Variants in PCSK5 observed in about 807,000 individuals in gnomAD.
The protein encoded by PCSK5 is proprotein convertase subtilisin/kexin type 5.
In PCSK5, 129 loss-of-function variants were observed where a neutral mutation model predicts 233.2. The observed-to-expected ratio is 0.55, with a 90% CI of 0.48 to 0.64. The LOEUF (loss-of-function observed/expected upper bound fraction) is 0.64. Ranked by LOEUF, PCSK5 falls within the 30% of genes least tolerant of loss-of-function variation. PCSK5 has a pLI of 0.00. For missense variants in PCSK5, 2,076 were observed against 2,430.1 expected (o/e 0.85, Z 3.06); for synonymous variants, 825 against 879.2 (o/e 0.94, Z 1.09).
chr9:75,911,201 G>GTTTTTTTTTTTTTTTTTTTTTTT (rs71370772), intron 1 of PCSK5, among the ~76,000 whole-genome samples: 4 of 48,758 alleles, frequency 8.2e-5, no homozygotes, highest in Non-Finnish European at 1.4e-4. Context: ...GAACATATAG[G>GTTTTTTTTTTTTTTTTTTTTTTT]TTTTTTTTTT....
chr9:75,908,902 T>TCTATCTAA (rs1822546059), intron 1 of PCSK5, among the ~76,000 whole-genome samples: 1 of 130,226 alleles, frequency 7.7e-6, no homozygotes, highest in Admixed American at 8.6e-5. Flanking sequence ...TATCTATCTA[T>TCTATCTAA]CTATCTATCT....
intron 12 of PCSK5, among the ~76,000 whole-genome samples, chr9:76,165,433 C>G (rs11144770): frequency 0.088 from 13,363 of 152,188 alleles, 856 homozygotes; most frequent in East Asian, 0.26. Flanking sequence ...GATACATTCA[C>G]TAGACTCTTT....
In PCSK5 at chr9:76,321,657, A is replaced by T. The variant is rs766985309; in HGVS notation, c.4102+18A>T. ...ATGCAAAGGTACCTAGGAGCTTCCC[A>T]CAGGAGAGCAAGGCTCTGCTGAGCC... On this transcript the variant is annotated intron_variant, in intron 31 of 37. Coordinates refer to ENST00000674117, the MANE Select transcript of PCSK5 (RefSeq NM_001372043.1). The T allele has an allele frequency of 6.4e-7, 1 of 1,553,824 alleles. No homozygotes were observed. The highest frequency in any genetic ancestry group is 8.9e-7 in the Non-Finnish European group (1 of 1,129,806).
At chr9:75,963,588 A>G (rs1238877763) in intron 2 of PCSK5, among the ~76,000 whole-genome samples, 1 of 152,248 alleles carries the variant, frequency 6.6e-6, no homozygotes, top group East Asian at 1.9e-4. Flanking sequence ...TGGTTAAAAA[A>G]TAATTCAGCT....
chr9:75,966,256 A>T (rs77803888), intron 2 of PCSK5, among the ~76,000 whole-genome samples: 1 of 152,232 alleles, frequency 6.6e-6, no homozygotes, highest in Non-Finnish European at 1.5e-5. Context: ...TCAGAAGTCA[A>T]TCTTGACAGA....
chr9:76,129,644 C>T (rs1822675557), intron 9 of PCSK5, among the ~76,000 whole-genome samples: 1 of 152,086 alleles, frequency 6.6e-6, no homozygotes, highest in Non-Finnish European at 1.5e-5. Flanking sequence ...TAAAGACCAC[C>T]AGACACAGAT....
intron 1 of PCSK5, among the ~76,000 whole-genome samples, chr9:75,898,901 G>A (rs1825914333): frequency 6.6e-6 from 1 of 152,194 alleles, no homozygotes; most frequent in African/African-American, 2.4e-5. Flanking sequence ...TTATCATTTA[G>A]TAAGACAAAT....
intron 2 of PCSK5, among the ~76,000 whole-genome samples, chr9:75,948,767 A>G (rs1472730534): frequency 6.6e-6 from 1 of 151,652 alleles, no homozygotes; most frequent in Non-Finnish European, 1.5e-5. Context: ...ACTAATTTCC[A>G]CTCCCACCAA....
intron 3 of PCSK5, among the ~76,000 whole-genome samples, chr9:75,991,562 T>C (rs1181986938): frequency 1.1e-4 from 16 of 152,220 alleles, no homozygotes; most frequent in Admixed American, 2.0e-4. Context: ...AGCTTTAATA[T>C]GAGAAGATAT....
intron 1 of PCSK5, among the ~76,000 whole-genome samples, chr9:75,907,552 A>G (rs1826312325): frequency 1.3e-5 from 2 of 152,070 alleles, no homozygotes; most frequent in Non-Finnish European, 2.9e-5. Context: ...CATTCTTCTG[A>G]TTTTGACTTC....
intron 12 of PCSK5, among the ~76,000 whole-genome samples, chr9:76,163,454 C>G (rs537794596): frequency 1.3e-5 from 2 of 152,290 alleles, no homozygotes; most frequent in Non-Finnish European, 1.5e-5. Flanking sequence ...GCTCTGTGCC[C>G]CATTAGCCCG....
At chr9:76,056,622 A>G (rs575723306) in intron 5 of PCSK5, among the ~76,000 whole-genome samples, 42 of 152,220 alleles carry the variant, frequency 2.8e-4, no homozygotes, top group Non-Finnish European at 5.6e-4. Flanking sequence ...GTAGATGATA[A>G]AACTTAGTAA....
chr9:76,106,656 G>A (rs1323718002), intron 8 of PCSK5, among the ~76,000 whole-genome samples: 1 of 152,174 alleles, frequency 6.6e-6, no homozygotes, highest in Non-Finnish European at 1.5e-5. Context: ...TAGTATCCAT[G>A]TTATATCTTT....
intron 9 of PCSK5, among the ~76,000 whole-genome samples, 170 bp downstream of exon 9, chr9:76,107,521 TAAG>T (rs1235558061): frequency 6.6e-6 from 1 of 152,206 alleles, no homozygotes; most frequent in Non-Finnish European, 1.5e-5. Context: ...TCCCCTATAT[TAAG>T]AAGAAGATTA....
intron 20 of PCSK5, chr9:76,194,327 A>G (rs2131256942): frequency 6.6e-6 from 1 of 152,340 alleles, no homozygotes; most frequent in African/African-American, 2.4e-5. Context: ...CCTGGAGTCA[A>G]AAGTTCCCAA....
At chr9:75,929,078 G>A (rs1255914903) in intron 1 of PCSK5, among the ~76,000 whole-genome samples, 2 of 152,222 alleles carry the variant, frequency 1.3e-5, no homozygotes, top group African/African-American at 4.8e-5. Context: ...TGGGACTACA[G>A]GCGTGTACCA....
chr9:76,222,553 C>G (rs1825761586), intron 20 of PCSK5, among the ~76,000 whole-genome samples: 1 of 152,174 alleles, frequency 6.6e-6, no homozygotes. Flanking sequence ...GTCTCTATCA[C>G]TTTTACTACT....
At chr9:76,107,517 A>G (rs917938355) in intron 9 of PCSK5, among the ~76,000 whole-genome samples, 166 bp downstream of exon 9, 3 of 152,188 alleles carry the variant, frequency 2.0e-5, no homozygotes, top group African/African-American at 4.8e-5. Flanking sequence ...AAATTCCCCT[A>G]TATTAAGAAG....
At chr9:76,185,331 C>T (rs374736250) in intron 17 of PCSK5, among the ~76,000 whole-genome samples, 5 of 152,274 alleles carry the variant, frequency 3.3e-5, no homozygotes, top group African/African-American at 1.2e-4. Flanking sequence ...ATGTACAGCT[C>T]AAATTAACTA....
Sources: allele counts gnomAD v4.1 joint callset (sites outside exome capture counted in the v4.1 genomes callset), GRCh38; gene constraint gnomAD v4.1.1; transcripts MANE v1.5; gene names NCBI Gene and HGNC (gene_info 2026-07-23, HGNC 2026-07-21).